ARID1B: variants seen among roughly 807,000 people sequenced by gnomAD.
ARID1B encodes AT-rich interaction domain 1B.
ARID1B carries 30 observed loss-of-function variants against 212.3 expected under a neutral mutation model. The observed-to-expected ratio is 0.14, with a 90% CI of 0.11 to 0.19. ARID1B has a LOEUF of 0.19. ARID1B is among the 10% of genes least tolerant of loss of function. The probability of loss-of-function intolerance (pLI) is 1.00; values close to 1 mark genes in which losing one functional copy is unlikely to be tolerated. For synonymous variants in ARID1B, 1,402 were observed against 1,301.7 expected (o/e 1.08, Z -1.66); for missense variants, 2,891 against 3,204.0 (o/e 0.90, Z 2.36).
chr6:156,980,222 CCT>C (rs1777519159), intron 4 of ARID1B, among the ~76,000 whole-genome samples: 1 of 152,164 alleles, frequency 6.6e-6, no homozygotes, highest in African/African-American at 2.4e-5. Flanking sequence ...ATGGCTCACA[CCT>C]GTAATCCCAG....
chr6:156,983,293 G>T (rs1190500128), intron 4 of ARID1B, among the ~76,000 whole-genome samples: 1 of 152,014 alleles, frequency 6.6e-6, no homozygotes, highest in African/African-American at 2.4e-5. Context: ...TACTCGAGAG[G>T]CTGAGACAGG....
At chr6:157,180,803 A>G (rs996349232) in intron 11 of ARID1B, among the ~76,000 whole-genome samples, 166 bp from the exon 12 acceptor site, 1 of 152,152 alleles carries the variant, frequency 6.6e-6, no homozygotes, top group Non-Finnish European at 1.5e-5. Flanking sequence ...GAAAATGTAT[A>G]GTTTGTGCCT....
chr6:156,923,847 A>G (rs1385494021), intron 3 of ARID1B, among the ~76,000 whole-genome samples: 2 of 151,880 alleles, frequency 1.3e-5, no homozygotes, highest in African/African-American at 2.4e-5. Context: ...AGCTGGGGTT[A>G]CAGGTGTGCG....
chr6:157,005,760 T>C (rs1382065174), intron 4 of ARID1B, among the ~76,000 whole-genome samples: 2 of 152,180 alleles, frequency 1.3e-5, no homozygotes, highest in Non-Finnish European at 2.9e-5. Flanking sequence ...ACTAACAAAA[T>C]AACTTCAGAT....
rs907200097 is a variant in ARID1B at position 156,814,153 on chromosome 6, C to T, written c.1792-15074C>T. Among the ~76,000 whole-genome samples the T allele has an allele frequency of 6.6e-5, 10 of 152,146 alleles. No individual in the cohort carries two copies. In the South Asian group the frequency reaches 1.4e-3, roughly 22 times the overall value. ...TTAATACATCTGGAGTGGTGGCTCA[C>T]GTCTGTAATTCCAGCACTTTGGGAG... On this transcript the variant is annotated intron_variant, in intron 1 of 19. Transcript: ENST00000636930.
At chr6:156,970,081 G>C (rs554843644) in intron 4 of ARID1B, among the ~76,000 whole-genome samples, 41 of 144,062 alleles carry the variant, frequency 2.8e-4, no homozygotes, top group African/African-American at 1.0e-3. Flanking sequence ...TTGTTGTTTT[G>C]TTTTGTTTTG....
Position 157,201,538 on chromosome 6 carries a change from G to C in ARID1B, c.5263+50G>C. The C allele has an allele frequency of 2.7e-6, 4 of 1,477,524 alleles. No homozygotes were observed. Among genetic ancestry groups the C allele is most frequent in the Non-Finnish European group, 3.6e-6 (4 of 1,113,548 alleles). The allele number at this position is 1,477,524 out of a possible 1,614,324, so 91.5% of individuals were successfully genotyped here. A position where few individuals can be genotyped will look rare whatever the true frequency, so the allele number is the denominator to read the frequency against. ...TGAAATGAATTCCAGTTGCAGTGTA[G>C]AATTTTAATTTTAGTAAAGATGCTG... On this transcript the variant is annotated intron_variant, in intron 18 of 19. Coordinates refer to ENST00000636930, the MANE Select transcript of ARID1B (RefSeq NM_001374828.1). The surrounding 1 kb of genome is among the most constrained non-coding windows in gnomAD (Gnocchi z 5.2).
At chr6:157,010,958 A>T (rs553625598) in intron 4 of ARID1B, among the ~76,000 whole-genome samples, 1 of 152,348 alleles carries the variant, frequency 6.6e-6, no homozygotes, top group South Asian at 2.1e-4. Flanking sequence ...TCATGCAGTT[A>T]ACTGCAACAG....
At chr6:157,054,149 G>A (rs755406077) in intron 4 of ARID1B, among the ~76,000 whole-genome samples, 4 of 151,682 alleles carry the variant, frequency 2.6e-5, no homozygotes, top group Non-Finnish European at 4.4e-5. Context: ...GCTTGAACCC[G>A]GGAGGCGGAG....
intron 11 of ARID1B, among the ~76,000 whole-genome samples, chr6:157,177,289 G>C (rs1329844752): frequency 1.3e-5 from 2 of 152,204 alleles, no homozygotes; most frequent in African/African-American, 4.8e-5. Context: ...TTTTTTGAAT[G>C]AGATGCTAAT....
At position 156,812,980 on chromosome 6, in the gene ARID1B, G is replaced by A. The variant is rs12177753; in HGVS notation, c.1792-16247G>A. Reference sequence around the variant, plus strand: ...TGTGTGTGTGTGTGTGTGTGTGTATGTATATACATACGTATGTATATACAT... The same window carrying A: ...TGTGTGTGTGTGTGTGTGTGTGTATATATATACATACGTATGTATATACAT... On this transcript the variant is annotated intron_variant, in intron 1 of 19. Transcript: ENST00000636930. Among the ~76,000 whole-genome samples, 18 of 61,430 alleles carry A rather than the reference G, an allele frequency of 2.9e-4. No homozygotes were observed. In the East Asian group the frequency reaches 3.0e-3, roughly 10 times the overall value. The allele number at this position is 61,430 out of a possible 152,430, so 40.3% of individuals were successfully genotyped here.
intron 4 of ARID1B, among the ~76,000 whole-genome samples, chr6:156,952,773 AAG>A (rs1793682279): frequency 6.6e-6 from 1 of 152,232 alleles, no homozygotes; most frequent in Non-Finnish European, 1.5e-5. Context: ...ATTCAACAGA[AAG>A]AGAATTTAAT....
Position 156,778,228 on chromosome 6 carries a change from TCCACCACCA to T in ARID1B, c.553_561del (p.His185_His187del), listed in dbSNP as rs995075933. On this transcript the variant is annotated inframe_deletion, in exon 1 of 20. Transcript: ENST00000636930. ...CACCACCACCACCATGCCCACCACC[TCCACCACCA>T]CCACGCACTACAGCAGCAGCTAAAC... 3 of 1,530,918 alleles carry T rather than the reference TCCACCACCA, an allele frequency of 2.0e-6. No homozygotes were observed. The highest frequency in any genetic ancestry group is 2.8e-5 in the African/African-American group (2 of 71,424). 94.8% of individuals were successfully genotyped at this position (1,530,918 alleles called of 1,614,324 possible).
chr6:156,890,078 T>C (rs1787807085), intron 2 of ARID1B, among the ~76,000 whole-genome samples: 1 of 152,154 alleles, frequency 6.6e-6, no homozygotes, highest in African/African-American at 2.4e-5. Flanking sequence ...TTCATAATGG[T>C]TATTAAGAGG....
intron 2 of ARID1B, 35 bp from the exon 3 acceptor site, chr6:156,901,341 G>T (rs931813221): frequency 1.2e-6 from 2 of 1,613,488 alleles, no homozygotes; most frequent in South Asian, 1.1e-5. Context: ...TGCACATTTT[G>T]ACTTTCTCAT....
intron 5 of ARID1B, among the ~76,000 whole-genome samples, chr6:157,089,287 A>AGT (rs1222299193): frequency 6.6e-6 from 1 of 152,242 alleles, no homozygotes; most frequent in African/African-American, 2.4e-5. Flanking sequence ...AACGAAGCCC[A>AGT]GTAAAGCATC....
intron 13 of ARID1B, among the ~76,000 whole-genome samples, chr6:157,187,454 G>A (rs1793049129): frequency 6.6e-6 from 1 of 152,168 alleles, no homozygotes; most frequent in African/African-American, 2.4e-5. Flanking sequence ...CCCTCTGGTT[G>A]ACCTCTAGTC....
chr6:156,929,807 C>T (rs1378755563), intron 3 of ARID1B, among the ~76,000 whole-genome samples: 1 of 152,162 alleles, frequency 6.6e-6, no homozygotes, highest in Non-Finnish European at 1.5e-5. Context: ...TCCTCACTGA[C>T]CTCTTACTAG....
At chr6:156,982,422 G>A (rs915657150) in intron 4 of ARID1B, among the ~76,000 whole-genome samples, 4 of 148,874 alleles carry the variant, frequency 2.7e-5, no homozygotes, top group Admixed American at 2.7e-4. Flanking sequence ...TGTCTCTATG[G>A]GTCTTTTTTT....
Sources: allele counts gnomAD v4.1 joint callset (sites outside exome capture counted in the v4.1 genomes callset), GRCh38; gene constraint gnomAD v4.1.1; non-coding constraint Gnocchi (gnomAD v3.1); transcripts MANE v1.5; gene names NCBI Gene and HGNC (gene_info 2026-07-23, HGNC 2026-07-21).